Variants in LNX2 observed in about 807,000 individuals in gnomAD.
LNX2 encodes the protein ligand of Numb protein X 2.
A neutral mutation model predicts 66.2 loss-of-function variants in LNX2; 35 were observed. The ratio of observed to expected loss-of-function variants is 0.53; its 90% CI spans 0.40 to 0.70. The LOEUF (loss-of-function observed/expected upper bound fraction) is 0.70, where lower values mean the gene tolerates loss of function less well. Ranked by LOEUF, LNX2 falls within the 30% of genes least tolerant of loss-of-function variation. The pLI is 0.00. For synonymous variants in LNX2, 337 were observed against 315.6 expected, an observed-to-expected ratio of 1.07 and a Z score of -0.72; for missense variants, 791 against 850.8, an observed-to-expected ratio of 0.93 and a Z score of 0.87.
At position 27,581,557 on chromosome 13, in the gene LNX2, G is replaced by A. The variant is rs776969143; in HGVS notation, c.147C>T (p.Val49=). The change falls in exon 2 of 10, where the codon GTC becomes GTT. Residue 49 remains valine, a synonymous_variant. Transcript: ENST00000316334. Reference sequence around the variant, plus strand: ...GCAGAGGTTGAAGGCAAATATGGCAGACTAGGTCATCATCCACTTCATTCT... The same window carrying A: ...GCAGAGGTTGAAGGCAAATATGGCAAACTAGGTCATCATCCACTTCATTCT... ...NYQNEVDDDL[V]CHICLQPLLQ... The A allele has an allele frequency of 1.1e-5, 17 of 1,614,092 alleles. No individual in the cohort carries two copies. In the Admixed American group the frequency reaches 2.5e-4, roughly 24 times the overall value.
chr13:27,559,899 G>A lies in LNX2; in HGVS notation c.1311C>T (p.Ser437=), dbSNP rs1566116751. 1 of 1,611,092 alleles carries A rather than the reference G, an allele frequency of 6.2e-7. No individual in the cohort carries two copies. The highest frequency in any genetic ancestry group is 1.1e-5 in the South Asian group (1 of 90,918). Residue 437 remains serine, a synonymous_variant, in exon 6 of 10, where the codon AGC becomes AGT. Coordinates refer to ENST00000316334, the MANE Select transcript of LNX2 (RefSeq NM_153371.4). ...GNTIREAGNH[S]SSSQHHTPPP... Reference sequence around the variant, plus strand: ...GTGGTGTGTGGTGCTGGCTGCTGCTGCTATGATTTCCTGCTTCTCTAATGG... The same window carrying A: ...GTGGTGTGTGGTGCTGGCTGCTGCTACTATGATTTCCTGCTTCTCTAATGG...
At chr13:27,617,471 G>A (rs1955839695) in intron 1 of LNX2, among the ~76,000 whole-genome samples, 1 of 152,186 alleles carries the variant, frequency 6.6e-6, no homozygotes, top group Non-Finnish European at 1.5e-5. Context: ...AAGATATCGG[G>A]TGGCAATTGT....
chr13:27,616,384 A>ACGTTTCTTAT lies in LNX2; in HGVS notation c.-101+3981_-101+3990dup, dbSNP rs1441784813. 2.6e-5 allele frequency among the ~76,000 whole-genome samples: 4 copies of ACGTTTCTTAT among 152,074 alleles called. No individual in the cohort carries two copies. In the East Asian group the frequency reaches 7.7e-4, roughly 29 times the overall value. On this transcript the variant is annotated intron_variant, in intron 1 of 9. Transcript: ENST00000316334. ...GTAGGCTTCGATAGGTGGTAGTAAA[A>ACGTTTCTTAT]CGTTTCTTATCGGACTTAAAGTCTA...
intron 1 of LNX2, among the ~76,000 whole-genome samples, chr13:27,604,697 C>A (rs1342023129): frequency 2.0e-5 from 3 of 151,832 alleles, no homozygotes; most frequent in Non-Finnish European, 2.9e-5. Flanking sequence ...GTAAAAAATT[C>A]TACTATTCCA....
intron 2 of LNX2, among the ~76,000 whole-genome samples, chr13:27,571,438 A>G (rs922159478): frequency 2.0e-5 from 3 of 152,226 alleles, no homozygotes; most frequent in Admixed American, 2.0e-4. Context: ...AAAAACTGCA[A>G]CAGGGCTTAA....
At chr13:27,559,291 T>C (rs1389256173) in intron 6 of LNX2, among the ~76,000 whole-genome samples, 3 of 152,094 alleles carry the variant, frequency 2.0e-5, no homozygotes, top group South Asian at 2.1e-4. Context: ...TTTAGGGTAA[T>C]ATTCCTCTAA....
intron 6 of LNX2, 94 bp downstream of exon 6, chr13:27,559,748 T>C (rs767434709): frequency 1.2e-4 from 153 of 1,244,846 alleles, no homozygotes; most frequent in Non-Finnish European, 1.6e-4. Context: ...TTTATTGAGG[T>C]GTGACTGACA....
rs750896877 is a variant in LNX2 at position 27,553,234 on chromosome 13, T to C, written c.1752A>G (p.Ser584=). Residue 584 remains serine (S), a synonymous_variant, in exon 8 of 10, where the codon TCA becomes TCG. Transcript: ENST00000316334. ...ENEYDASWSP[S]WVMWLGLPST... is the part of the protein sequence containing the mutation. ...TGGGAAGCCCAAGCCACATGACCCA[T>C]GATGGGGACCAACTGGCATCATACT... 12 of 1,613,988 alleles carry C rather than the reference T, an allele frequency of 7.4e-6. No individual in the cohort carries two copies. The highest frequency in any genetic ancestry group is 9.3e-6 in the Non-Finnish European group (11 of 1,180,022).
At chr13:27,592,773 G>A (rs1955557746) in intron 1 of LNX2, among the ~76,000 whole-genome samples, 1 of 152,148 alleles carries the variant, frequency 6.6e-6, no homozygotes, top group South Asian at 2.1e-4. Context: ...AGAGAGAATT[G>A]TACAGAGAAA....
At chr13:27,604,686 A>G (rs972234192) in intron 1 of LNX2, among the ~76,000 whole-genome samples, 2 of 152,072 alleles carry the variant, frequency 1.3e-5, no homozygotes, top group African/African-American at 4.8e-5. Context: ...TAATATAAAA[A>G]GTAAAAAATT....
At chr13:27,567,900 A>C in intron 3 of LNX2, 61 bp from the exon 4 acceptor site, 1 of 1,331,184 alleles carries the variant, frequency 7.5e-7, no homozygotes, top group South Asian at 1.2e-5. Flanking sequence ...AAACCCAACA[A>C]TTTATATTCT....
chr13:27,595,581 A>G (rs1228733346), intron 1 of LNX2, among the ~76,000 whole-genome samples: 2 of 152,160 alleles, frequency 1.3e-5, no homozygotes, highest in Non-Finnish European at 2.9e-5. Context: ...CTACTTCCTG[A>G]TAATCTTCTA....
In LNX2 at chr13:27,553,375, T is replaced by G; in HGVS notation, c.1611A>C (p.Ala537=). The G allele has an allele frequency of 6.2e-7, 1 of 1,614,166 alleles. No individual in the cohort carries two copies. Among genetic ancestry groups the G allele is most frequent in the Non-Finnish European group, 8.5e-7 (1 of 1,180,022 alleles). ...GGGACGCGGCACTGGCTTTCAGCAT[T>G]GCAACTGCCTCACTGTGACTTAAAT... ...LTNLSHSEAV[A]MLKASAASPA... Residue 537 remains alanine, a synonymous_variant, in exon 8 of 10, where the codon GCA becomes GCC. Coordinates refer to ENST00000316334, the MANE Select transcript of LNX2 (RefSeq NM_153371.4).
intron 1 of LNX2, among the ~76,000 whole-genome samples, chr13:27,601,248 T>G (rs768477498): frequency 2.6e-5 from 4 of 152,172 alleles, no homozygotes; most frequent in Non-Finnish European, 5.9e-5. Context: ...GGAATGGGAT[T>G]CAAACTCTGG....
chr13:27,570,440 C>T (rs544472050), intron 2 of LNX2, among the ~76,000 whole-genome samples: 12 of 152,160 alleles, frequency 7.9e-5, no homozygotes, highest in African/African-American at 2.7e-4. Context: ...CTTTTAAATC[C>T]TGGATTTCAA....
intron 8 of LNX2, among the ~76,000 whole-genome samples, chr13:27,552,002 G>A (rs1955013745): frequency 6.6e-6 from 1 of 152,202 alleles, no homozygotes; most frequent in South Asian, 2.1e-4. Context: ...ATTCAACAGA[G>A]ACCTCCATAC....
chr13:27,587,802 A>G (rs148878587), intron 1 of LNX2, among the ~76,000 whole-genome samples: 9,636 of 152,210 alleles, frequency 0.063, 367 homozygotes, highest in South Asian at 0.15. Flanking sequence ...CGGGCAGATC[A>G]CAAGGTCAGG....
chr13:27,568,120 A>G (rs1366181166), intron 3 of LNX2, among the ~76,000 whole-genome samples: 1 of 152,142 alleles, frequency 6.6e-6, no homozygotes, highest in Admixed American at 6.5e-5. Context: ...AAAGAAAGTC[A>G]TTCTGTCCTC....
At chr13:27,581,217 TGTTTTAATCAA>T (rs1296962675) in intron 2 of LNX2, 69 bp downstream of exon 2, 1 of 1,207,682 alleles carries the variant, frequency 8.3e-7, no homozygotes, top group East Asian at 2.6e-5. Context: ...TGGTTTGTTT[TGTTTTAATCAA>T]GTTTTTATGT....
Sources: gnomAD v4.1 joint callset for allele counts (sites outside exome capture counted in the v4.1 genomes callset) on GRCh38, gnomAD v4.1.1 for gene constraint, MANE v1.5 for transcripts, NCBI Gene and HGNC (gene_info 2026-07-23, HGNC 2026-07-21) for gene names.